The following IL3RA variants were observed in gnomAD, a reference collection of about 807,000 sequenced individuals.
The protein encoded by IL3RA is interleukin-3 receptor subunit alpha.
IL3RA carries 73 observed loss-of-function variants against 52.3 expected under a neutral mutation model. The observed-to-expected ratio is 1.40, with a 90% CI of 1.16 to 1.70. The LOEUF (loss-of-function observed/expected upper bound fraction) is 1.70, where lower values mean the gene tolerates loss of function less well. Ranked by LOEUF, IL3RA falls within the 40% of genes most tolerant of loss-of-function variation. The pLI, the probability that IL3RA is intolerant of heterozygous loss-of-function variation, is 0.00. For synonymous variants in IL3RA, 260 were observed against 194.0 expected (o/e 1.34, Z -2.83); for missense variants, 664 against 504.4 (o/e 1.32, Z -3.03).
chrX:1,353,458 T>C (rs1157267313), intron 6 of IL3RA, among the ~76,000 whole-genome samples: 6 of 145,964 alleles, frequency 4.1e-5, no homozygotes, highest in African/African-American at 1.3e-4. Context: ...TTATGGGTCA[T>C]AGAATTCCCC....
intron 8 of IL3RA, among the ~76,000 whole-genome samples, chrX:1,361,118 T>A (rs2087289361): frequency 7.7e-6 from 1 of 130,704 alleles, no homozygotes; most frequent in Non-Finnish European, 1.6e-5. Flanking sequence ...CCCCTCTCTG[T>A]CTCTCTCTCC....
chrX:1,352,208 A>G lies in IL3RA; in HGVS notation c.407A>G (p.Tyr136Cys). 6.2e-7 allele frequency: 1 copy of G among 1,613,644 alleles called. No individual in the cohort carries two copies. The change falls in exon 5 of 12, where the codon TAC (tyrosine) becomes TGC (cysteine). Residue 136 changes from tyrosine to cysteine, a missense_variant. By Grantham distance (194) the Tyr-to-Cys change is radical. Transcript: ENST00000331035. ...CCGGGGGCCCCCGCGGACGTCCAGT[A>G]CGACCTGTACTTGAACGTTGCCAAG... is the stretch of plus-strand genomic sequence containing the variant. ...VGPGAPADVQYDLYLNVANRR... is the reference protein window; with the variant it reads ...VGPGAPADVQCDLYLNVANRR...
intron 2 of IL3RA, among the ~76,000 whole-genome samples, chrX:1,344,936 A>G (rs1436138016): frequency 9.4e-5 from 14 of 149,706 alleles, no homozygotes; most frequent in African/African-American, 2.0e-4. Flanking sequence ...GCTGAGGCGG[A>G]CGAATCATGA....
intron 6 of IL3RA, among the ~76,000 whole-genome samples, chrX:1,353,223 ACCC>A (rs763463906): frequency 7.8e-5 from 2 of 25,488 alleles, no homozygotes; most frequent in African/African-American, 2.8e-4. Context: ...GGGTAATAGG[ACCC>A]CCCCATCATG....
At chrX:1,367,701 CGGGTGCGCG>C (rs2088237192) in intron 9 of IL3RA, among the ~76,000 whole-genome samples, 1 of 35,082 alleles carries the variant, frequency 2.9e-5, no homozygotes. Flanking sequence ...CGGGGTGAGC[CGGGTGCGCG>C]GGGTGAGCGG....
chrX:1,342,873 G>A (rs1440788126), intron 2 of IL3RA, among the ~76,000 whole-genome samples: 3 of 150,880 alleles, frequency 2.0e-5, no homozygotes, highest in African/African-American at 4.9e-5. Flanking sequence ...TCAGGAGTTC[G>A]TGACCAGCCT....
intron 8 of IL3RA, among the ~76,000 whole-genome samples, chrX:1,359,683 TCTTTCTCC>T (rs1158275448): frequency 9.9e-5 from 15 of 150,996 alleles, no homozygotes; most frequent in African/African-American, 2.9e-4. Context: ...TCTGTCTCTA[TCTTTCTCC>T]CTTTCTCCCT....
chrX:1,357,764 T>C (rs1422334033), intron 7 of IL3RA, among the ~76,000 whole-genome samples: 2 of 151,640 alleles, frequency 1.3e-5, no homozygotes, highest in African/African-American at 4.8e-5. Flanking sequence ...TCTTTTATAT[T>C]ACCAAGTGTT....
intron 2 of IL3RA, among the ~76,000 whole-genome samples, chrX:1,342,923 A>G (rs2085548149): frequency 6.6e-6 from 1 of 151,638 alleles, no homozygotes; most frequent in South Asian, 2.1e-4. Context: ...AAAAATACAA[A>G]AATCAGCTGG....
chrX:1,348,666 C>CTTTCT (rs1239606137), intron 4 of IL3RA, 121 bp downstream of exon 4: 3 of 451,414 alleles, frequency 6.6e-6, no homozygotes, highest in East Asian at 3.3e-5. Context: ...TTCTTTCTTT[C>CTTTCT]TTTCTTTCTT....
chrX:1,341,239 G>A (rs1361812262), intron 1 of IL3RA, among the ~76,000 whole-genome samples: 1 of 152,026 alleles, frequency 6.6e-6, no homozygotes, highest in East Asian at 1.9e-4. Flanking sequence ...GGCAGAGGTT[G>A]CAATGAGCCG....
intron 8 of IL3RA, among the ~76,000 whole-genome samples, chrX:1,361,781 G>A (rs1231307338): frequency 2.0e-5 from 3 of 146,662 alleles, no homozygotes; most frequent in Admixed American, 6.8e-5. Flanking sequence ...AAAAAAATGA[G>A]AGCCGAGAGA....
At chrX:1,346,712 C>T (rs1182130848) in intron 3 of IL3RA, among the ~76,000 whole-genome samples, 23 of 151,276 alleles carry the variant, frequency 1.5e-4, no homozygotes, top group East Asian at 5.8e-4. Context: ...TCATCACCTG[C>T]GTTCTCAGGG....
At chrX:1,345,568 C>A in intron 3 of IL3RA, 134 bp downstream of exon 3, 1 of 487,148 alleles carries the variant, frequency 2.1e-6, no homozygotes, top group Non-Finnish European at 3.4e-6. Context: ...CCGCTCTCTG[C>A]AACCTCCACC....
At chrX:1,361,859 G>GA (rs371246159) in intron 8 of IL3RA, among the ~76,000 whole-genome samples, 3 of 151,776 alleles carry the variant, frequency 2.0e-5, no homozygotes, top group African/African-American at 7.3e-5. Flanking sequence ...AGTGTGGGGG[G>GA]AAACTGCCCC....
chrX:1,344,904 T>C (rs1279714873), intron 2 of IL3RA, among the ~76,000 whole-genome samples: 11 of 149,970 alleles, frequency 7.3e-5, no homozygotes, highest in African/African-American at 2.7e-4. Context: ...GGCTCATGCC[T>C]GTAATCCCAG....
chrX:1,367,818 G>GGGTGAGCGGGGTGCGCA (rs2088271695), intron 9 of IL3RA, among the ~76,000 whole-genome samples: 1 of 146,956 alleles, frequency 6.8e-6, no homozygotes, highest in South Asian at 2.1e-4. Context: ...CGGGGTGCGC[G>GGGTGAGCGGGGTGCGCA]GGGTGAGCGG....
At chrX:1,352,568 G>C (rs1474976187) in intron 6 of IL3RA, 62 bp downstream of exon 6, 3 of 1,541,638 alleles carry the variant, frequency 1.9e-6, no homozygotes. Flanking sequence ...TTTAGCGCCA[G>C]GCCAGATCCC....
Position 1,341,937 on chromosome X carries a change from T to C in IL3RA, c.64+108T>C, listed in dbSNP as rs768594154. ...AGGGAAACTTTTCATGCTGAGCTCA[T>C]GGCAGAGTCTCATGCAGTGGTCGGG... On this transcript the variant is annotated intron_variant, in intron 2 of 11. Transcript: ENST00000331035. The C allele has an allele frequency of 9.0e-6, 10 of 1,109,552 alleles. 1 individual carries two copies. The highest frequency in any genetic ancestry group is 1.3e-5 in the South Asian group (1 of 79,134). 68.7% of individuals were successfully genotyped at this position (1,109,552 alleles called of 1,614,324 possible).
Sources: gnomAD v4.1 joint callset for allele counts (sites outside exome capture counted in the v4.1 genomes callset) on GRCh38, gnomAD v4.1.1 for gene constraint, MANE v1.5 for transcripts, NCBI Gene and HGNC (gene_info 2026-07-23, HGNC 2026-07-21) for gene names.